The following MINAR2 variants were observed in gnomAD, a reference collection of about 807,000 sequenced individuals.
MINAR2 encodes major intrinsically disordered NOTCH2-binding receptor 1-like.
MINAR2 carries 21 observed loss-of-function variants against 16.1 expected under a neutral mutation model. The ratio of observed to expected loss-of-function variants is 1.31; its 90% CI spans 0.93 to 1.88. The LOEUF (loss-of-function observed/expected upper bound fraction) is 1.88. Among genes scored for constraint, MINAR2 ranks in the 40% most tolerant of loss-of-function variants. MINAR2 has a pLI of 0.00. For synonymous variants in MINAR2, 86 were observed against 83.0 expected (o/e 1.04, Z -0.20); for missense variants, 259 against 229.8 (o/e 1.13, Z -0.82).
At chr5:129,750,274 G>A (rs1000080732) in intron 1 of MINAR2, among the ~76,000 whole-genome samples, 1 of 152,134 alleles carries the variant, frequency 6.6e-6, no homozygotes, top group Non-Finnish European at 1.5e-5. Context: ...CCATATAGAA[G>A]TTTTAAATAT....
At chr5:129,750,403 T>A (rs758489111) in intron 1 of MINAR2, among the ~76,000 whole-genome samples, 1 of 152,134 alleles carries the variant, frequency 6.6e-6, no homozygotes, top group Non-Finnish European at 1.5e-5. Context: ...AAGCTCACAC[T>A]CCATTGGGGA....
intron 2 of MINAR2, among the ~76,000 whole-genome samples, chr5:129,763,003 ATGTT>A (rs1222945502): frequency 6.6e-6 from 1 of 152,214 alleles, no homozygotes; most frequent in African/African-American, 2.4e-5. Flanking sequence ...AAGCTAAAAA[ATGTT>A]TGAATGCTAC....
intron 2 of MINAR2, among the ~76,000 whole-genome samples, chr5:129,760,863 G>A (rs893500447): frequency 2.0e-5 from 3 of 152,122 alleles, no homozygotes; most frequent in African/African-American, 7.2e-5. Flanking sequence ...CAGAACAAAG[G>A]TTTTCCAGGA....
chr5:129,759,233 G>T (rs968456679), intron 1 of MINAR2, among the ~76,000 whole-genome samples: 1 of 151,996 alleles, frequency 6.6e-6, no homozygotes, highest in Non-Finnish European at 1.5e-5. Context: ...ATTCTCTGGG[G>T]TGTCTAAAAT....
intron 1 of MINAR2, among the ~76,000 whole-genome samples, chr5:129,749,446 T>G (rs938572791): frequency 6.6e-6 from 1 of 152,170 alleles, no homozygotes; most frequent in Non-Finnish European, 1.5e-5. Flanking sequence ...TTATTTCCAT[T>G]GTAAGGCAGC....
chr5:129,755,011 A>C (rs1363946684), intron 1 of MINAR2, among the ~76,000 whole-genome samples: 1 of 152,124 alleles, frequency 6.6e-6, no homozygotes, highest in Non-Finnish European at 1.5e-5. Context: ...TAATTAGCTT[A>C]AGAAAATTTT....
At chr5:129,759,940 T>A (rs921930007) in intron 1 of MINAR2, among the ~76,000 whole-genome samples, 3 of 152,154 alleles carry the variant, frequency 2.0e-5, no homozygotes, top group Admixed American at 2.0e-4. Context: ...TCGAGGCATA[T>A]CTCTAAAATG....
intron 1 of MINAR2, among the ~76,000 whole-genome samples, chr5:129,759,575 GA>G (rs1324530616): frequency 6.6e-5 from 10 of 152,102 alleles, no homozygotes; most frequent in Admixed American, 6.6e-4. Context: ...GAAAATATGA[GA>G]TGAATCCAAA....
rs1175712658 is a variant in MINAR2, at chr5:129,760,487, C to A, written c.275C>A (p.Pro92Gln). 1 of 1,535,736 alleles carries A rather than the reference C, an allele frequency of 6.5e-7. No homozygotes were observed. Among genetic ancestry groups the A allele is most frequent in the Non-Finnish European group, 8.7e-7 (1 of 1,146,586 alleles). Residue 92 changes from proline (P) to glutamine (Q), a missense_variant, in exon 2 of 3, where the codon CCA (proline) becomes CAA (glutamine). Physicochemically the swap from Pro to Gln is moderately conservative, Grantham distance 76. Coordinates refer to ENST00000564719, the MANE Select transcript of MINAR2 (RefSeq NM_001257308.2). ...ATGTCATCAGTTATGAAGAATAACC[C>A]ACTCTATGGTGACCTAAGTTTGGAG... ...PSMSSVMKNN[P>Q]LYGDLSLEEA...
In MINAR2 at chr5:129,756,957, A is replaced by AC. The variant is rs1554113674; in HGVS notation, c.166-3421_166-3420insC. Among the ~76,000 whole-genome samples the AC allele has an allele frequency of 2.2e-3, 295 of 132,540 alleles. 1 individual carries two copies. Among genetic ancestry groups the AC allele is most frequent in the African/African-American group, 8.1e-3 (267 of 32,994 alleles). 87.0% of individuals were successfully genotyped at this position (132,540 alleles called of 152,430 possible). On this transcript the variant is annotated intron_variant, in intron 1 of 2. Coordinates refer to ENST00000564719, the MANE Select transcript of MINAR2 (RefSeq NM_001257308.2). Reference sequence around the variant, plus strand: ...AGTAAAAAAAAAAAAAAAAAAAAAAAACACACACACACAAACATATATGTA... The same window carrying AC: ...AGTAAAAAAAAAAAAAAAAAAAAAAACACACACACACACAAACATATATGTA...
Position 129,765,208 on chromosome 5 carries a change from C to A in MINAR2, c.*145C>A, listed in dbSNP as rs1758195961. On this transcript the variant is annotated 3_prime_UTR_variant, in exon 3 of 3. Coordinates refer to ENST00000564719, the MANE Select transcript of MINAR2 (RefSeq NM_001257308.2). ...GATTGTATTATTAAATGTAATTGTCCTGAAGAATGTGAATGTCAGGCGTGG... is the reference window on the plus strand; with the variant it reads ...GATTGTATTATTAAATGTAATTGTCATGAAGAATGTGAATGTCAGGCGTGG... 1 of 460,160 alleles carries A rather than the reference C, an allele frequency of 2.2e-6. No homozygotes were observed. The highest frequency in any genetic ancestry group is 3.5e-6 in the Non-Finnish European group (1 of 282,606). The allele number at this position is 460,160 out of a possible 1,614,324, so 28.5% of individuals were successfully genotyped here.
chr5:129,753,406 C>G (rs942297624), intron 1 of MINAR2, among the ~76,000 whole-genome samples: 2 of 143,532 alleles, frequency 1.4e-5, no homozygotes, highest in African/African-American at 5.3e-5. Context: ...ACACTTGAAG[C>G]TGGAAGGCAG....
chr5:129,759,729 G>A (rs1758102749), intron 1 of MINAR2, among the ~76,000 whole-genome samples: 1 of 151,998 alleles, frequency 6.6e-6, no homozygotes, highest in Admixed American at 6.6e-5. Context: ...TGTTTGGTTT[G>A]CAAGAATTTA....
chr5:129,755,783 A>G (rs1172689632), intron 1 of MINAR2, among the ~76,000 whole-genome samples: 1 of 151,954 alleles, frequency 6.6e-6, no homozygotes, highest in African/African-American at 2.4e-5. Flanking sequence ...TATCTTCTCC[A>G]TTGTATATAT....
At chr5:129,753,480 C>CTAAAAA (rs1758012187) in intron 1 of MINAR2, among the ~76,000 whole-genome samples, 1 of 100,810 alleles carries the variant, frequency 9.9e-6, no homozygotes. Context: ...AAGACTGTCT[C>CTAAAAA]AAAAAAAAAA....
chr5:129,757,126 T>G (rs897526009), intron 1 of MINAR2, among the ~76,000 whole-genome samples: 4 of 150,410 alleles, frequency 2.7e-5, no homozygotes, highest in Admixed American at 2.0e-4. Context: ...ATAGAGCACA[T>G]TCACAAGAGT....
At position 129,760,619 on chromosome 5, in the gene MINAR2, A is replaced by G; in HGVS notation, c.393+14A>G. The G allele has an allele frequency of 6.6e-7, 1 of 1,512,600 alleles. No homozygotes were observed. The highest frequency in any genetic ancestry group is 8.9e-7 in the Non-Finnish European group (1 of 1,126,296). The allele number at this position is 1,512,600 out of a possible 1,614,324, so 93.7% of individuals were successfully genotyped here. A position where few individuals can be genotyped will look rare whatever the true frequency, so the allele number is the denominator to read the frequency against. On this transcript the variant is annotated intron_variant, in intron 2 of 2. Coordinates refer to ENST00000564719, the MANE Select transcript of MINAR2 (RefSeq NM_001257308.2). Reference sequence around the variant, plus strand: ...GGACATCTGAAGGTACTCACGACTAAGAGTCAACCTCTTCAACTGATAAGG... The same window carrying G: ...GGACATCTGAAGGTACTCACGACTAGGAGTCAACCTCTTCAACTGATAAGG...
Position 129,765,893 on chromosome 5 carries a change from C to T in MINAR2, c.*830C>T, listed in dbSNP as rs933606330. ...TTGAAGCCTAACTGCTACTTGCTAA[C>T]AGACTCTGGCAAGTTATTCTCTCAG... On this transcript the variant is annotated 3_prime_UTR_variant, in exon 3 of 3. Coordinates refer to ENST00000564719, the MANE Select transcript of MINAR2 (RefSeq NM_001257308.2). 5 of 152,146 alleles carry T rather than the reference C, an allele frequency of 3.3e-5. No individual in the cohort carries two copies. The highest frequency in any genetic ancestry group is 1.2e-4 in the African/African-American group (5 of 41,450). 9.4% of individuals were successfully genotyped at this position (152,146 alleles called of 1,614,324 possible).
chr5:129,756,633 GT>G (rs956886351), intron 1 of MINAR2, among the ~76,000 whole-genome samples: 46 of 151,728 alleles, frequency 3.0e-4, no homozygotes, highest in African/African-American at 1.1e-3. Context: ...TCTCACCCAG[GT>G]TCTTTATTCT....
Sources: gnomAD v4.1 joint callset for allele counts (sites outside exome capture counted in the v4.1 genomes callset) on GRCh38, gnomAD v4.1.1 for gene constraint, MANE v1.5 for transcripts, NCBI Gene and HGNC (gene_info 2026-07-23, HGNC 2026-07-21) for gene names.